Variants in DNAAF11 observed in about 807,000 individuals in gnomAD.
DNAAF11 encodes dynein axonemal assembly factor 11.
In DNAAF11, 45 loss-of-function variants were observed where a neutral mutation model predicts 60.8. The observed-to-expected ratio is 0.74, with a 90% CI of 0.58 to 0.95. The LOEUF (loss-of-function observed/expected upper bound fraction) is 0.95. DNAAF11 is among the 40% of genes least tolerant of loss of function. DNAAF11 has a pLI of 0.00. For missense variants in DNAAF11, 546 were observed against 546.2 expected (o/e 1.00, Z 0.00); for synonymous variants, 191 against 183.5 (o/e 1.04, Z -0.33).
chr8:132,622,651 T>A lies in DNAAF11; in HGVS notation c.874A>T (p.Ile292Phe). Reference protein sequence around the residue: ...KKKVKPPRTLITEDGKALNVN... With the variant: ...KKKVKPPRTLFTEDGKALNVN... ...TTTAGGGCTTTCCCATCTTCAGTGATCAAAGTCCTGGGTGGTTTCACTTTC... is the reference window on the plus strand; with the variant it reads ...TTTAGGGCTTTCCCATCTTCAGTGAACAAAGTCCTGGGTGGTTTCACTTTC... Residue 292 changes from isoleucine (I) to phenylalanine (F), a missense_variant, in exon 7 of 12, where the codon ATC becomes TTC. By Grantham distance (21) the Ile-to-Phe change is conservative. Coordinates refer to ENST00000620350, the MANE Select transcript of DNAAF11 (RefSeq NM_012472.6). 3.1e-6 allele frequency: 5 copies of A among 1,613,840 alleles called. No homozygotes were observed. The East Asian group carries it at 1.1e-4, about 36-fold the overall frequency.
chr8:132,656,372 C>A (rs1823569749), intron 3 of DNAAF11, among the ~76,000 whole-genome samples: 2 of 152,110 alleles, frequency 1.3e-5, no homozygotes, highest in South Asian at 4.1e-4. Context: ...TATGTATCAC[C>A]TTATTGCTTG....
chr8:132,658,561 T>C (rs1175091078), intron 2 of DNAAF11, among the ~76,000 whole-genome samples: 3 of 152,180 alleles, frequency 2.0e-5, no homozygotes, highest in Non-Finnish European at 4.4e-5. Flanking sequence ...GACCTCGTGA[T>C]CCAGCCGCCT....
intron 1 of DNAAF11, among the ~76,000 whole-genome samples, chr8:132,666,690 C>T (rs112962059): frequency 1.1e-4 from 16 of 152,260 alleles, no homozygotes; most frequent in African/African-American, 3.9e-4. Context: ...GTGCAAAGGC[C>T]AGGAAGCAAG....
intron 1 of DNAAF11, among the ~76,000 whole-genome samples, chr8:132,672,998 A>G (rs1439952113): frequency 1.3e-5 from 2 of 152,166 alleles, no homozygotes; most frequent in African/African-American, 4.8e-5. Flanking sequence ...AAGGCAGCGG[A>G]AAAAAGGGCA....
At chr8:132,579,995 T>TC (rs552839703) in intron 11 of DNAAF11, among the ~76,000 whole-genome samples, 132 of 149,980 alleles carry the variant, frequency 8.8e-4, no homozygotes, top group African/African-American at 3.1e-3. Flanking sequence ...AAACTCTGTC[T>TC]TAAAAAAACA....
intron 5 of DNAAF11, among the ~76,000 whole-genome samples, chr8:132,631,982 T>C (rs1366007669): frequency 6.6e-6 from 1 of 151,968 alleles, no homozygotes; most frequent in Non-Finnish European, 1.5e-5. Context: ...AACCTGCACG[T>C]TGTGCACATG....
At chr8:132,659,573 T>C (rs1158061581) in intron 2 of DNAAF11, among the ~76,000 whole-genome samples, 1 of 152,218 alleles carries the variant, frequency 6.6e-6, no homozygotes. Flanking sequence ...TAAAAGCTGG[T>C]GGTTTTCTGT....
At chr8:132,664,628 A>AT (rs765311899) in intron 1 of DNAAF11, among the ~76,000 whole-genome samples, 11,406 of 140,308 alleles carry the variant, frequency 0.081, 1,294 homozygotes, top group African/African-American at 0.25. Flanking sequence ...CACCCAGCTA[A>AT]TTTTTTTTTT....
At chr8:132,574,003 C>T (rs1462043448) in intron 11 of DNAAF11, among the ~76,000 whole-genome samples, 1 of 151,996 alleles carries the variant, frequency 6.6e-6, no homozygotes, top group Non-Finnish European at 1.5e-5. Flanking sequence ...CCGAAGATGC[C>T]CTGAAAGATG....
intron 3 of DNAAF11, among the ~76,000 whole-genome samples, chr8:132,648,013 G>T (rs1038854400): frequency 4.6e-5 from 7 of 152,114 alleles, no homozygotes; most frequent in African/African-American, 1.4e-4. Context: ...ATTTTATGAG[G>T]CCAGAATCAT....
At chr8:132,653,961 G>A (rs1013346192) in intron 3 of DNAAF11, among the ~76,000 whole-genome samples, 3 of 152,038 alleles carry the variant, frequency 2.0e-5, no homozygotes, top group African/African-American at 7.2e-5. Flanking sequence ...TTAAAAGGCA[G>A]AGATTGACAG....
chr8:132,675,138 A>C (rs974097671), intron 1 of DNAAF11: 7 of 318,320 alleles, frequency 2.2e-5, no homozygotes, highest in African/African-American at 4.3e-5. Context: ...ACAGCCAGTA[A>C]GGAGCCACTT....
chr8:132,612,818 A>G (rs1203054370), intron 8 of DNAAF11, among the ~76,000 whole-genome samples: 2 of 152,232 alleles, frequency 1.3e-5, no homozygotes, highest in Admixed American at 6.5e-5. Flanking sequence ...GAATTATAGC[A>G]TAATTCATTT....
At chr8:132,681,003 C>CTTTTTTTTTT in the DNAAF11 span, among the ~76,000 whole-genome samples, 799 of 52,328 alleles carry the variant, frequency 0.015, 220 homozygotes, top group African/African-American at 0.042. Context: ...ATAACTATTC[C>CTTTTTTTTTT]TTTTTTTTTT....
At chr8:132,695,704 A>G in the DNAAF11 span, among the ~76,000 whole-genome samples, 88 of 151,152 alleles carry the variant, frequency 5.8e-4, 3 homozygotes, top group African/African-American at 2.1e-3. Flanking sequence ...CAAACACACC[A>G]TGAGGCTGTG....
At chr8:132,606,683 A>ATTTTT (rs1564013118) in intron 10 of DNAAF11, among the ~76,000 whole-genome samples, 3 of 127,822 alleles carry the variant, frequency 2.3e-5, no homozygotes, top group African/African-American at 9.9e-5. Flanking sequence ...TTTTAATTTT[A>ATTTTT]ATTTTTATTT....
chr8:132,666,211 T>A (rs183401643), intron 1 of DNAAF11, among the ~76,000 whole-genome samples: 17 of 152,312 alleles, frequency 1.1e-4, no homozygotes, highest in Admixed American at 1.1e-3. Flanking sequence ...TATACCCATG[T>A]AACAAACCTG....
At chr8:132,690,756 G>T in the DNAAF11 span, among the ~76,000 whole-genome samples, 2 of 152,048 alleles carry the variant, frequency 1.3e-5, no homozygotes, top group African/African-American at 4.8e-5. Flanking sequence ...TCATTTATTT[G>T]CCAGTTTTAC....
the DNAAF11 span, among the ~76,000 whole-genome samples, chr8:132,700,736 G>A: frequency 6.6e-6 from 1 of 152,094 alleles, no homozygotes; most frequent in African/African-American, 2.4e-5. Context: ...CCAAGCTTGT[G>A]TCTTATACAT....
Sources: gnomAD v4.1 joint callset for allele counts (sites outside exome capture counted in the v4.1 genomes callset) on GRCh38, gnomAD v4.1.1 for gene constraint, MANE v1.5 for transcripts, NCBI Gene and HGNC (gene_info 2026-07-23, HGNC 2026-07-21) for gene names.